The following AKAP10 variants were observed in gnomAD, a reference collection of about 807,000 sequenced individuals.
The protein encoded by AKAP10 is A-kinase anchor protein 10, mitochondrial.
AKAP10 carries 24 observed loss-of-function variants against 80.8 expected under a neutral mutation model. The observed-to-expected ratio is 0.30, with a 90% CI of 0.22 to 0.42. The LOEUF is 0.42. Among genes scored for constraint, AKAP10 ranks in the 10% least tolerant of loss-of-function variants. The probability of loss-of-function intolerance (pLI) is 1.00; values close to 1 mark genes in which losing one functional copy is unlikely to be tolerated. For synonymous variants in AKAP10, 291 were observed against 277.7 expected (o/e 1.05, Z -0.48); for missense variants, 661 against 794.9 (o/e 0.83, Z 2.03).
At chr17:19,923,888 C>A (rs937178469) in intron 11 of AKAP10, among the ~76,000 whole-genome samples, 2 of 152,236 alleles carry the variant, frequency 1.3e-5, no homozygotes, top group South Asian at 4.1e-4. Flanking sequence ...CATGGTGCTG[C>A]TGGGAACTGG....
chr17:19,928,853 G>A lies in AKAP10; in HGVS notation c.1641+2952C>T, dbSNP rs1212828978. On this transcript the variant is annotated intron_variant, in intron 10 of 14. Coordinates refer to ENST00000225737, the MANE Select transcript of AKAP10 (RefSeq NM_007202.4). ...CCACTGCACTCCAGCCTGGGCGACA[G>A]AGCAAGACTCCACCTCAAATTTAAA... is the stretch of plus-strand genomic sequence containing the variant. Among the ~76,000 whole-genome samples the A allele has an allele frequency of 4.6e-5, 7 of 152,250 alleles. No individual in the cohort carries two copies. The East Asian group carries it at 1.4e-3, about 29-fold the overall frequency.
Position 19,958,378 on chromosome 17 carries a change from T to C in AKAP10, c.513A>G (p.Ala171=). The C allele has an allele frequency of 1.2e-6, 2 of 1,614,236 alleles. No homozygotes were observed. The highest frequency in any genetic ancestry group is 1.7e-6 in the Non-Finnish European group (2 of 1,180,044). Residue 171 remains alanine, a synonymous_variant, in exon 4 of 15, where the codon GCA becomes GCG. Coordinates refer to ENST00000225737, the MANE Select transcript of AKAP10 (RefSeq NM_007202.4). ...FHSTTWSRIR[A]HSLNTVKQSS... Reference sequence around the variant, plus strand: ...TCTGCTTCACTGTGTTTAGACTGTGTGCTCTTATTCGCGACCAAGTTGTTG... The same window carrying C: ...TCTGCTTCACTGTGTTTAGACTGTGCGCTCTTATTCGCGACCAAGTTGTTG...
chr17:19,913,988 TGAAAGA>T (rs2042718349), intron 12 of AKAP10, among the ~76,000 whole-genome samples: 1 of 152,168 alleles, frequency 6.6e-6, no homozygotes. Flanking sequence ...ATTCTAGTCA[TGAAAGA>T]GAAACTATTT....
intron 1 of AKAP10, among the ~76,000 whole-genome samples, chr17:19,970,456 T>C (rs1567778907): frequency 6.6e-6 from 1 of 152,240 alleles, no homozygotes; most frequent in Non-Finnish European, 1.5e-5. Context: ...CCCTAAGTAT[T>C]ATACATAGAC....
chr17:19,919,939 T>C (rs1033561671), intron 12 of AKAP10, 97 bp downstream of exon 12: 2 of 1,041,174 alleles, frequency 1.9e-6, no homozygotes, highest in South Asian at 1.6e-5. Context: ...GTGGTTACTT[T>C]ACAAAATAAA....
At chr17:19,906,640 C>T (rs203466) in intron 14 of AKAP10, among the ~76,000 whole-genome samples, 2 of 151,972 alleles carry the variant, frequency 1.3e-5, no homozygotes, top group Non-Finnish European at 1.5e-5. Flanking sequence ...CACAGCACTG[C>T]GGACAAATAT....
chr17:19,932,883 G>T (rs867868250), intron 9 of AKAP10, among the ~76,000 whole-genome samples: 7 of 151,434 alleles, frequency 4.6e-5, no homozygotes, highest in Admixed American at 3.3e-4. Flanking sequence ...TACTGAATGA[G>T]TTCTCATGTT....
At chr17:19,947,985 C>CA (rs35869599) in intron 4 of AKAP10, among the ~76,000 whole-genome samples, 3,087 of 103,084 alleles carry the variant, frequency 0.03, 46 homozygotes, top group East Asian at 0.11. Context: ...GACTCCGTCT[C>CA]AAAAAAAAAA....
intron 5 of AKAP10, among the ~76,000 whole-genome samples, chr17:19,945,309 G>C (rs906948155): frequency 1.3e-5 from 2 of 152,016 alleles, no homozygotes; most frequent in Non-Finnish European, 2.9e-5. Context: ...CGCCAGTCAG[G>C]CTATTAACTG....
intron 2 of AKAP10, 42 bp from the exon 3 acceptor site, chr17:19,963,064 G>A (rs1243260576): frequency 6.6e-7 from 1 of 1,525,872 alleles, no homozygotes; most frequent in Non-Finnish European, 9.0e-7. Context: ...AACACAATTT[G>A]ATAGCCTAAA....
At chr17:19,939,662 T>G (rs1163189558) in intron 8 of AKAP10, 51 bp downstream of exon 8, 1 of 1,578,062 alleles carries the variant, frequency 6.3e-7, no homozygotes, top group Non-Finnish European at 8.6e-7. Flanking sequence ...CCACAAAACA[T>G]ATCAAATGTT....
chr17:19,936,900 T>A (rs1263193870), intron 8 of AKAP10, among the ~76,000 whole-genome samples: 1 of 152,034 alleles, frequency 6.6e-6, no homozygotes, highest in African/African-American at 2.4e-5. Context: ...AGTAAACATG[T>A]ACAAATTCAA....
intron 4 of AKAP10, among the ~76,000 whole-genome samples, 199 bp downstream of exon 4, chr17:19,957,815 T>C (rs906691019): frequency 6.6e-6 from 1 of 152,206 alleles, no homozygotes; most frequent in Non-Finnish European, 1.5e-5. Flanking sequence ...ACACACTTCT[T>C]AGAAGGTCCA....
chr17:19,946,235 T>TA (rs1282696434), intron 5 of AKAP10, among the ~76,000 whole-genome samples: 1 of 17,640 alleles, frequency 5.7e-5, no homozygotes, highest in South Asian at 1.8e-3. Context: ...TATATATATA[T>TA]ATTATATATA....
At chr17:19,977,056 T>C (rs983816805) in intron 1 of AKAP10, among the ~76,000 whole-genome samples, 1 of 152,212 alleles carries the variant, frequency 6.6e-6, no homozygotes, top group African/African-American at 2.4e-5. Flanking sequence ...GCCAAAGTCA[T>C]CAAAAGTAGT....
intron 2 of AKAP10, among the ~76,000 whole-genome samples, chr17:19,965,746 A>C (rs553061129): frequency 7.7e-4 from 117 of 152,254 alleles, no homozygotes; most frequent in African/African-American, 2.6e-3. Flanking sequence ...GCAGTGCTTC[A>C]CTCAGTTTGA....
In AKAP10 at chr17:19,958,056, G is replaced by A. The variant is rs980024037; in HGVS notation, c.835C>T (p.Pro279Ser). The A allele has an allele frequency of 6.2e-7, 1 of 1,613,892 alleles. No individual in the cohort carries two copies. The highest frequency in any genetic ancestry group is 1.1e-5 in the South Asian group (1 of 91,022). ...GACAATTCTTTTAGTGGAGAAGCGG[G>A]ACTATTTCTACTGGCTACTGTAAGT... ...STLTVASRNS[P>S]ASPLKELSGK... The change falls in exon 4 of 15, where the codon CCC (proline) becomes TCC (serine). Residue 279 changes from proline (P) to serine (S), a missense_variant. Physicochemically the swap from Pro to Ser is moderately conservative, Grantham distance 74. Coordinates refer to ENST00000225737, the MANE Select transcript of AKAP10 (RefSeq NM_007202.4).
At chr17:19,914,321 T>C (rs936678973) in intron 12 of AKAP10, among the ~76,000 whole-genome samples, 1 of 152,024 alleles carries the variant, frequency 6.6e-6, no homozygotes, top group South Asian at 2.1e-4. Flanking sequence ...TATAAACAAG[T>C]ATGTAAATAA....
chr17:19,961,920 A>G (rs560553504), intron 3 of AKAP10, among the ~76,000 whole-genome samples: 2 of 152,258 alleles, frequency 1.3e-5, no homozygotes, highest in Admixed American at 1.3e-4. Flanking sequence ...GTTTGAGACC[A>G]GCTTAGGCAA....
Sources: gnomAD v4.1 joint callset for allele counts (sites outside exome capture counted in the v4.1 genomes callset) on GRCh38, gnomAD v4.1.1 for gene constraint, MANE v1.5 for transcripts, NCBI Gene and HGNC (gene_info 2026-07-23, HGNC 2026-07-21) for gene names.